Variants in RBM34 observed in about 807,000 individuals in gnomAD.
RBM34 encodes the protein RNA binding motif protein 34, also known as RNA-binding protein 34.
Under a neutral mutation model 44.6 loss-of-function variants are expected in RBM34, and 39 were observed. The ratio of observed to expected loss-of-function variants is 0.87; its 90% CI spans 0.68 to 1.14. RBM34 has a LOEUF of 1.14. Among genes scored for constraint, RBM34 ranks in the 50% most tolerant of loss-of-function variants. The pLI, the probability that RBM34 is intolerant of heterozygous loss-of-function variation, is 0.00. For synonymous variants in RBM34, 194 were observed against 184.0 expected (o/e 1.05, Z -0.44); for missense variants, 572 against 517.9 (o/e 1.10, Z -1.01).
chr1:235,136,160 C>G (rs1055919785), intron 8 of RBM34, 87 bp from the exon 9 acceptor site: 9 of 1,071,690 alleles, frequency 8.4e-6, no homozygotes, highest in African/African-American at 6.4e-5. Flanking sequence ...TCCTTCCCCC[C>G]ATATCTGACA....
intron 5 of RBM34, among the ~76,000 whole-genome samples, chr1:235,148,664 T>C (rs985054372): frequency 3.3e-5 from 5 of 151,844 alleles, no homozygotes; most frequent in Non-Finnish European, 5.9e-5. Context: ...AGTGGCATGA[T>C]GTCGGCTCAT....
chr1:235,132,068 C>G, intron 10 of RBM34, 71 bp from the exon 11 acceptor site: 1 of 1,402,946 alleles, frequency 7.1e-7, no homozygotes, highest in Non-Finnish European at 9.6e-7. Flanking sequence ...GAAAGTGTCA[C>G]TTTAACAGAT....
chr1:235,150,550 G>A (rs1051773052), intron 5 of RBM34, among the ~76,000 whole-genome samples: 10 of 152,106 alleles, frequency 6.6e-5, no homozygotes, highest in African/African-American at 2.4e-4. Context: ...CTTTAAGGAA[G>A]GATTCCAGGC....
In RBM34 at chr1:235,136,092, T is replaced by C; in HGVS notation, c.850-19A>G. On this transcript the variant is annotated intron_variant, in intron 8 of 10. Coordinates refer to ENST00000408888, the MANE Select transcript of RBM34 (RefSeq NM_015014.4). The stretch of plus-strand genomic sequence containing the variant: ...TGTCTCTCTGAAACAAAAAGACAGT[T>C]AATAAAAATCACTCACTAGACCAGA... The C allele has an allele frequency of 1.3e-6, 2 of 1,589,914 alleles. No homozygotes were observed. Among genetic ancestry groups the C allele is most frequent in the Non-Finnish European group, 1.7e-6 (2 of 1,161,864 alleles).
At position 235,131,535 on chromosome 1, in the gene RBM34, C is replaced by G. The variant is rs1055876794; in HGVS notation, c.*178G>C. ...AAAAACAAAACAAAAACAAAAAAAC[C>G]TTCAAAGGTAGTATCACAATGTGAA... On this transcript the variant is annotated 3_prime_UTR_variant, in exon 11 of 11. Coordinates refer to ENST00000408888, the MANE Select transcript of RBM34 (RefSeq NM_015014.4). The G allele has an allele frequency of 7.1e-6, 5 of 705,782 alleles. No homozygotes were observed. In the African/African-American group the frequency reaches 9.1e-5, roughly 13 times the overall value. 43.7% of individuals were successfully genotyped at this position (705,782 alleles called of 1,614,324 possible).
intron 10 of RBM34, among the ~76,000 whole-genome samples, chr1:235,133,461 T>C (rs1193790367): frequency 1.3e-5 from 2 of 152,200 alleles, no homozygotes; most frequent in Non-Finnish European, 2.9e-5. Context: ...CAATGGAACA[T>C]GCTTACATAA....
chr1:235,161,116 C>T (rs752037836), intron 1 of RBM34, 49 bp from the exon 2 acceptor site: 1 of 1,605,274 alleles, frequency 6.2e-7, no homozygotes, highest in South Asian at 1.1e-5. Flanking sequence ...CACCGCTTCG[C>T]CAGCACGAGG....
At chr1:235,139,179 T>C (rs1289301938) in intron 6 of RBM34, among the ~76,000 whole-genome samples, 1 of 152,194 alleles carries the variant, frequency 6.6e-6, no homozygotes, top group South Asian at 2.1e-4. Flanking sequence ...TGAACACAGA[T>C]CTTTCCCTGA....
chr1:235,152,909 C>T (rs1385930840), intron 4 of RBM34, 144 bp from the exon 5 acceptor site: 2 of 698,382 alleles, frequency 2.9e-6, no homozygotes, highest in Non-Finnish European at 4.5e-6. Context: ...TGCACTTTCG[C>T]CCAGGCTGGA....
intron 3 of RBM34, among the ~76,000 whole-genome samples, chr1:235,158,597 G>C (rs1425099979): frequency 2.0e-5 from 3 of 152,126 alleles, no homozygotes; most frequent in African/African-American, 7.2e-5. Flanking sequence ...GAAGAAATAT[G>C]GCTGTGTACA....
intron 10 of RBM34, among the ~76,000 whole-genome samples, chr1:235,134,990 C>T (rs1410630899): frequency 8.6e-5 from 13 of 151,448 alleles, no homozygotes; most frequent in African/African-American, 2.7e-4. Context: ...GTGATCCACC[C>T]GCCTCGGCCT....
chr1:235,159,345 T>C (rs6429293), intron 3 of RBM34, among the ~76,000 whole-genome samples: 36,253 of 150,506 alleles, frequency 0.24, 4,778 homozygotes, highest in African/African-American at 0.35. Context: ...AGGTCAAGAG[T>C]TCGAGACCAG....
intron 3 of RBM34, among the ~76,000 whole-genome samples, chr1:235,155,868 C>CATATATATAT (rs1662418400): frequency 2.8e-4 from 7 of 24,746 alleles, no homozygotes; most frequent in South Asian, 1.7e-3. Flanking sequence ...TATATATATA[C>CATATATATAT]ATATATACTT....
At chr1:235,132,381 T>C (rs1025258647) in intron 10 of RBM34, among the ~76,000 whole-genome samples, 11 of 152,238 alleles carry the variant, frequency 7.2e-5, no homozygotes, top group African/African-American at 2.7e-4. Flanking sequence ...CGATCTCGGC[T>C]CACTGTGACC....
At chr1:235,148,836 G>A (rs1662029591) in intron 5 of RBM34, among the ~76,000 whole-genome samples, 2 of 151,864 alleles carry the variant, frequency 1.3e-5, no homozygotes, top group African/African-American at 4.8e-5. Context: ...CTGACCTCGT[G>A]ATCCGCCCAC....
At chr1:235,135,404 CTT>C (rs1246799830) in intron 10 of RBM34, among the ~76,000 whole-genome samples, 1 of 151,478 alleles carries the variant, frequency 6.6e-6, no homozygotes, top group African/African-American at 2.4e-5. Flanking sequence ...AATTTTTGGA[CTT>C]TTAGTAGAGA....
intron 3 of RBM34, among the ~76,000 whole-genome samples, chr1:235,155,410 C>T (rs1229099129): frequency 6.6e-6 from 1 of 151,438 alleles, no homozygotes; most frequent in East Asian, 1.9e-4. Flanking sequence ...AGCGTAATCA[C>T]AGCTCACTGC....
chr1:235,157,411 A>T (rs1662497229), intron 3 of RBM34, among the ~76,000 whole-genome samples: 1 of 152,226 alleles, frequency 6.6e-6, no homozygotes, highest in South Asian at 2.1e-4. Context: ...CGGGCCACTA[A>T]CTTAGGCAAC....
chr1:235,152,154 T>A (rs1247574616), intron 5 of RBM34, among the ~76,000 whole-genome samples: 1 of 151,910 alleles, frequency 6.6e-6, no homozygotes, highest in Non-Finnish European at 1.5e-5. Flanking sequence ...AAAAAAAAAA[T>A]CATGTATGGG....
Sources: gnomAD v4.1 joint callset for allele counts (sites outside exome capture counted in the v4.1 genomes callset) on GRCh38, gnomAD v4.1.1 for gene constraint, MANE v1.5 for transcripts, NCBI Gene and HGNC (gene_info 2026-07-23, HGNC 2026-07-21) for gene names.